STRN3: variants seen among roughly 807,000 people sequenced by gnomAD.
The protein encoded by STRN3 is striatin 3.
In STRN3, 29 loss-of-function variants were observed where a neutral mutation model predicts 95.6. The ratio of observed to expected loss-of-function variants is 0.30; its 90% CI spans 0.23 to 0.41. The LOEUF is 0.41. Ranked by LOEUF, STRN3 falls within the 10% of genes least tolerant of loss-of-function variation. The pLI is 1.00. For missense variants in STRN3, 890 were observed against 972.1 expected (o/e 0.92, Z 1.12); for synonymous variants, 331 against 357.6 (o/e 0.93, Z 0.84).
chr14:30,936,424 A>T, intron 6 of STRN3, 71 bp downstream of exon 6: 1 of 1,508,310 alleles, frequency 6.6e-7, no homozygotes, highest in South Asian at 1.3e-5. Flanking sequence ...ATGTAACTTA[A>T]GATATCTTAA....
At chr14:30,915,538 T>C (rs1030215539) in intron 9 of STRN3, among the ~76,000 whole-genome samples, 7 of 152,190 alleles carry the variant, frequency 4.6e-5, no homozygotes, top group Non-Finnish European at 8.8e-5. Flanking sequence ...TTCCTACCAA[T>C]TATTAGTATG....
In STRN3 at chr14:30,929,954, C is replaced by CAAAAAAAA. The variant is rs1191963792; in HGVS notation, c.989-651_989-644dup. Reference sequence around the variant, plus strand: ...TCCATTGGTCTACAACTAAGATTAGCAAAAAAAAAAAAAAAAAAAAAAAAA... The same window carrying CAAAAAAAA: ...TCCATTGGTCTACAACTAAGATTAGCAAAAAAAAAAAAAAAAAAAAAAAAAAAAAAAAA... On this transcript the variant is annotated intron_variant, in intron 7 of 17. Coordinates refer to ENST00000357479, the MANE Select transcript of STRN3 (RefSeq NM_001083893.2). Among the ~76,000 whole-genome samples, 147 of 39,964 alleles carry CAAAAAAAA rather than the reference C, an allele frequency of 3.7e-3. 17 individuals carry two copies. Among genetic ancestry groups the CAAAAAAAA allele is most frequent in the Non-Finnish European group, 4.1e-3 (92 of 22,446 alleles). 26.2% of individuals were successfully genotyped at this position (39,964 alleles called of 152,430 possible). A position where few individuals can be genotyped will look rare whatever the true frequency, so the allele number is the denominator to read the frequency against.
At chr14:30,916,431 C>A (rs182646997) in intron 9 of STRN3, among the ~76,000 whole-genome samples, 3 of 151,836 alleles carry the variant, frequency 2.0e-5, no homozygotes, top group African/African-American at 7.3e-5. Flanking sequence ...CCCGCCACCA[C>A]GCCCAGCTAA....
At chr14:30,962,234 A>T (rs1379358100) in intron 1 of STRN3, among the ~76,000 whole-genome samples, 1 of 152,252 alleles carries the variant, frequency 6.6e-6, no homozygotes, top group African/African-American at 2.4e-5. Flanking sequence ...AATAAAGATA[A>T]AAAGAAAATA....
At chr14:31,012,313 A>T (rs1195500355) in intron 1 of STRN3, among the ~76,000 whole-genome samples, 1 of 152,220 alleles carries the variant, frequency 6.6e-6, no homozygotes, top group Non-Finnish European at 1.5e-5. Flanking sequence ...GCCCCAGTTA[A>T]CAGCTTTCAA....
chr14:30,894,905 TTTTA>T lies in STRN3; in HGVS notation c.*502_*505del. 1 of 1,077,334 alleles carries T rather than the reference TTTTA, an allele frequency of 9.3e-7. No homozygotes were observed. The highest frequency in any genetic ancestry group is 1.2e-6 in the Non-Finnish European group (1 of 836,968). The allele number at this position is 1,077,334 out of a possible 1,614,324, so 66.7% of individuals were successfully genotyped here. A position where few individuals can be genotyped will look rare whatever the true frequency, so the allele number is the denominator to read the frequency against. On this transcript the variant is annotated 3_prime_UTR_variant, in exon 18 of 18. Transcript: ENST00000357479. ...AAATTTTCTTTTTCTTTTTTTTTTT[TTTTA>T]AAGCAAAATAAGTTTAAAAGGGAAT...
intron 1 of STRN3, among the ~76,000 whole-genome samples, chr14:30,981,859 C>T (rs1881418436): frequency 1.3e-5 from 2 of 152,052 alleles, no homozygotes. Flanking sequence ...CTTTCGGAGG[C>T]CAAGGTAGAT....
rs1896628452 is a variant in STRN3 at position 30,912,187 on chromosome 14, A to G, written c.1375-5T>C. ...GGCATCTTTATTAGCAGGCAACTAAAAGGAAAGAGCACAATATTTAGTGGT... is the reference window on the plus strand; with the variant it reads ...GGCATCTTTATTAGCAGGCAACTAAGAGGAAAGAGCACAATATTTAGTGGT... On this transcript the variant is annotated splice_region_variant and splice_polypyrimidine_tract_variant and intron_variant, in intron 10 of 17. Coordinates refer to ENST00000357479, the MANE Select transcript of STRN3 (RefSeq NM_001083893.2). The G allele has an allele frequency of 2.5e-6, 4 of 1,610,716 alleles. No homozygotes were observed. Among genetic ancestry groups the G allele is most frequent in the Non-Finnish European group, 3.4e-6 (4 of 1,178,954 alleles).
At chr14:30,959,257 C>T (rs921054194) in intron 1 of STRN3, among the ~76,000 whole-genome samples, 5 of 151,938 alleles carry the variant, frequency 3.3e-5, no homozygotes, top group African/African-American at 7.3e-5. Context: ...GCGGAGGGGT[C>T]GAGGCTGCAG....
chr14:30,947,062 T>G (rs752051770), intron 5 of STRN3, 28 bp downstream of exon 5: 20 of 1,501,104 alleles, frequency 1.3e-5, no homozygotes, highest in Non-Finnish European at 1.8e-5. Context: ...ATATCCATTA[T>G]ATAAACTATG....
At chr14:30,957,402 G>A (rs1482989519) in intron 1 of STRN3, among the ~76,000 whole-genome samples, 5 of 147,074 alleles carry the variant, frequency 3.4e-5, no homozygotes, top group Admixed American at 1.4e-4. Context: ...GCAGTGAGCC[G>A]AGATGGTGCC....
intron 16 of STRN3, among the ~76,000 whole-genome samples, chr14:30,896,819 A>G (rs1281358406): frequency 6.6e-6 from 1 of 152,198 alleles, no homozygotes; most frequent in Non-Finnish European, 1.5e-5. Flanking sequence ...GCTCTGGAAA[A>G]TGTGACTTAA....
intron 16 of STRN3, among the ~76,000 whole-genome samples, chr14:30,900,867 T>A (rs17097482): frequency 0.21 from 31,785 of 151,966 alleles, 3,770 homozygotes; most frequent in East Asian, 0.49. Flanking sequence ...TTGGAAACAA[T>A]TTGAAAGACT....
intron 8 of STRN3, among the ~76,000 whole-genome samples, chr14:30,927,471 T>C (rs1878239963): frequency 6.6e-6 from 1 of 152,056 alleles, no homozygotes; most frequent in Non-Finnish European, 1.5e-5. Flanking sequence ...AGTCACAGTC[T>C]ATCAGAGGGG....
chr14:30,974,742 G>C (rs1169074355), intron 1 of STRN3, among the ~76,000 whole-genome samples: 1 of 152,100 alleles, frequency 6.6e-6, no homozygotes, highest in African/African-American at 2.4e-5. Context: ...GGGAGTAGAG[G>C]CTAAAGTGAG....
chr14:30,953,576 CATG>C (rs1362357173), intron 3 of STRN3, among the ~76,000 whole-genome samples: 1 of 152,136 alleles, frequency 6.6e-6, no homozygotes, highest in African/African-American at 2.4e-5. Context: ...ACACAAGCTT[CATG>C]ATGAACATAT....
chr14:30,914,979 T>C (rs1407599173), intron 9 of STRN3, among the ~76,000 whole-genome samples: 2 of 152,230 alleles, frequency 1.3e-5, no homozygotes, highest in Non-Finnish European at 2.9e-5. Flanking sequence ...AGTCATAGTT[T>C]AAGCAACAAC....
At chr14:30,951,593 G>A (rs1374198901) in intron 3 of STRN3, among the ~76,000 whole-genome samples, 1 of 151,990 alleles carries the variant, frequency 6.6e-6, no homozygotes, top group Non-Finnish European at 1.5e-5. Flanking sequence ...TTAAAAAGCT[G>A]TATTATATGA....
At chr14:30,933,560 GCA>G (rs1178890387) in intron 7 of STRN3, among the ~76,000 whole-genome samples, 1 of 152,050 alleles carries the variant, frequency 6.6e-6, no homozygotes, top group African/African-American at 2.4e-5. Context: ...TTGAATGTCT[GCA>G]CAGAGAAGCT....
Sources: allele counts gnomAD v4.1 joint callset (sites outside exome capture counted in the v4.1 genomes callset), GRCh38; gene constraint gnomAD v4.1.1; transcripts MANE v1.5; gene names NCBI Gene and HGNC (gene_info 2026-07-23, HGNC 2026-07-21).